Variants in FRAS1 observed in about 807,000 individuals in gnomAD.
The protein encoded by FRAS1 is Fraser extracellular matrix complex subunit 1.
FRAS1 carries 290 observed loss-of-function variants against 435.2 expected under a neutral mutation model. That is an observed-to-expected ratio of 0.67 (90% CI 0.61 to 0.73). The LOEUF (loss-of-function observed/expected upper bound fraction) is 0.73, where lower values mean the gene tolerates loss of function less well. Ranked by LOEUF, FRAS1 falls within the 30% of genes least tolerant of loss-of-function variation. The probability of loss-of-function intolerance (pLI) is 0.00; values close to 1 mark genes in which losing one functional copy is unlikely to be tolerated. For missense variants in FRAS1, 4,860 were observed against 5,001.5 expected, an observed-to-expected ratio of 0.97 and a Z score of 0.85; for synonymous variants, 1,800 against 1,851.0, an observed-to-expected ratio of 0.97 and a Z score of 0.71.
chr4:78,209,161 A>C (rs970365736), intron 2 of FRAS1, among the ~76,000 whole-genome samples: 2 of 152,104 alleles, frequency 1.3e-5, no homozygotes, highest in Admixed American at 6.5e-5. Flanking sequence ...ACAAAAAAAA[A>C]ACAAAGTATG....
Position 78,057,952 on chromosome 4 carries a change from G to T in FRAS1, c.-58G>T. 1.3e-6 allele frequency: 2 copies of T among 1,555,054 alleles called. No individual in the cohort carries two copies. Among genetic ancestry groups the T allele is most frequent in the South Asian group, 1.1e-5 (1 of 88,960 alleles). ...CAAGCGCCGGAGCCAGCGTTTTGGC[G>T]GAGCCGCTTCTTGGATGCTGAAGGC... On this transcript the variant is annotated 5_prime_UTR_variant, in exon 1 of 74. Transcript: ENST00000512123. This position sits in a 1 kb window ranked among gnomAD's most constrained non-coding sequence, Gnocchi z 4.2.
chr4:78,079,293 A>G (rs1017293584), intron 2 of FRAS1, among the ~76,000 whole-genome samples: 1 of 152,182 alleles, frequency 6.6e-6, no homozygotes, highest in African/African-American at 2.4e-5. Flanking sequence ...ATCAGTGGAG[A>G]GAAAGGACAG....
intron 2 of FRAS1, among the ~76,000 whole-genome samples, chr4:78,236,706 T>C (rs6853099): frequency 6.6e-6 from 1 of 151,962 alleles, no homozygotes; most frequent in Admixed American, 6.5e-5. Flanking sequence ...ACAACTGAAA[T>C]GTGGATTCAG....
chr4:78,461,608 C>T (rs578148903), intron 47 of FRAS1, among the ~76,000 whole-genome samples: 11 of 152,238 alleles, frequency 7.2e-5, no homozygotes, highest in South Asian at 4.2e-4. Flanking sequence ...TTGGGAAAGT[C>T]GCACTAAGAT....
intron 6 of FRAS1, among the ~76,000 whole-genome samples, chr4:78,264,523 C>T (rs910857827): frequency 1.3e-5 from 2 of 152,002 alleles, no homozygotes; most frequent in South Asian, 4.2e-4. Flanking sequence ...GGAAGGATAC[C>T]TTCACTTTTG....
intron 47 of FRAS1, among the ~76,000 whole-genome samples, chr4:78,462,588 A>T (rs1410320845): frequency 6.6e-6 from 1 of 152,152 alleles, no homozygotes; most frequent in Non-Finnish European, 1.5e-5. Context: ...TCCAGATGAG[A>T]TTTTCCTGTG....
chr4:78,084,798 T>C (rs1741065231), intron 2 of FRAS1, among the ~76,000 whole-genome samples: 1 of 152,118 alleles, frequency 6.6e-6, no homozygotes, highest in Non-Finnish European at 1.5e-5. Flanking sequence ...TAAAGCTAAT[T>C]ATTGTTACTG....
rs755074299 is a variant in FRAS1 at position 78,317,441 on chromosome 4, T to C, written c.1893T>C (p.Ala631=). 14 of 1,613,900 alleles carry C rather than the reference T, an allele frequency of 8.7e-6. No individual in the cohort carries two copies. Among genetic ancestry groups the C allele is most frequent in the Middle Eastern group, 1.6e-4 (1 of 6,062 alleles). The change falls in exon 17 of 74, where the codon GCT becomes GCC. Residue 631 remains alanine, a synonymous_variant. Transcript: ENST00000512123. ...GTACAGCCTGCAGCCCCCCCAAGGC[T>C]CTGCGTCAAGGCCACTGTCTGCCCC... The part of the protein sequence containing the change: ...SHCTACSPPK[A]LRQGHCLPRC...
intron 2 of FRAS1, among the ~76,000 whole-genome samples, chr4:78,175,453 G>A (rs889612503): frequency 1.3e-5 from 2 of 152,114 alleles, no homozygotes; most frequent in African/African-American, 4.8e-5. Flanking sequence ...TGGTCTGGCT[G>A]TGTCAGCTAA....
rs1263044029 is a variant in FRAS1 at position 78,291,933 on chromosome 4, A to C, written c.1534+5394A>C. Reference sequence around the variant, plus strand: ...TGGCACCTCTACCACTTGCTGCAAGAGGGCTTTGGCAAACCATTTAACCTC... The same window carrying C: ...TGGCACCTCTACCACTTGCTGCAAGCGGGCTTTGGCAAACCATTTAACCTC... On this transcript the variant is annotated intron_variant, in intron 14 of 73. Transcript: ENST00000512123. Among the ~76,000 whole-genome samples the C allele has an allele frequency of 9.2e-5, 14 of 152,328 alleles. No individual in the cohort carries two copies. The South Asian group carries it at 1.9e-3, about 20-fold the overall frequency.
chr4:78,487,814 A>G (rs1720217968), intron 58 of FRAS1, among the ~76,000 whole-genome samples: 1 of 152,234 alleles, frequency 6.6e-6, no homozygotes, highest in Admixed American at 6.5e-5. Flanking sequence ...CAATTTATAT[A>G]TGAAAAATAT....
chr4:78,522,890 C>G, intron 69 of FRAS1, 82 bp downstream of exon 69: 1 of 1,193,610 alleles, frequency 8.4e-7, no homozygotes, highest in Admixed American at 3.2e-5. Context: ...TAGTGCTTTC[C>G]TCTGAAGGCT....
chr4:78,425,280 T>C (rs6857181), intron 35 of FRAS1, among the ~76,000 whole-genome samples: 86,885 of 151,834 alleles, frequency 0.57, 25,198 homozygotes, highest in Non-Finnish European at 0.62. Flanking sequence ...AGAGGCGAGT[T>C]GAGAAACTTG....
intron 2 of FRAS1, among the ~76,000 whole-genome samples, chr4:78,144,397 G>A (rs1720325403): frequency 6.6e-6 from 1 of 151,728 alleles, no homozygotes; most frequent in South Asian, 2.1e-4. Context: ...CAACATTGCT[G>A]TTAAACCATC....
At chr4:78,231,563 G>T (rs553554457) in intron 2 of FRAS1, among the ~76,000 whole-genome samples, 56 of 151,952 alleles carry the variant, frequency 3.7e-4, no homozygotes, top group African/African-American at 1.4e-3. Context: ...GAAGCCAAGG[G>T]AATTTAAAAT....
chr4:78,185,504 G>A (rs1452609508), intron 2 of FRAS1, among the ~76,000 whole-genome samples: 1 of 152,104 alleles, frequency 6.6e-6, no homozygotes, highest in East Asian at 1.9e-4. Context: ...TGTAAGCTTA[G>A]GTTATTAGCT....
chr4:78,289,825 C>A (rs1727799192), intron 14 of FRAS1, among the ~76,000 whole-genome samples: 1 of 152,152 alleles, frequency 6.6e-6, no homozygotes, highest in South Asian at 2.1e-4. Context: ...CTTGCTCCCC[C>A]TCCCCACCTT....
At chr4:78,341,531 G>A (rs1173555469) in intron 20 of FRAS1, among the ~76,000 whole-genome samples, 5 of 152,164 alleles carry the variant, frequency 3.3e-5, no homozygotes, top group South Asian at 2.1e-4. Context: ...AAGGGGTCAC[G>A]ATTTCACCAG....
At chr4:78,319,410 C>T in intron 18 of FRAS1, 1 of 457,198 alleles carries the variant, frequency 2.2e-6, no homozygotes, top group South Asian at 1.5e-5. Context: ...TGCTGTTTGC[C>T]TTGGCATATC....
Sources: gnomAD v4.1 joint callset for allele counts (sites outside exome capture counted in the v4.1 genomes callset) on GRCh38, gnomAD v4.1.1 for gene constraint, Gnocchi (gnomAD v3.1) non-coding constraint, MANE v1.5 for transcripts, NCBI Gene and HGNC (gene_info 2026-07-23, HGNC 2026-07-21) for gene names.